The following ZBTB20 variants were observed in gnomAD, a reference collection of about 807,000 sequenced individuals.
ZBTB20 encodes zinc finger and BTB domain-containing protein 20.
ZBTB20 carries 9 observed loss-of-function variants against 56.9 expected under a neutral mutation model. The ratio of observed to expected loss-of-function variants is 0.16; its 90% confidence interval spans 0.10 to 0.28. The LOEUF (loss-of-function observed/expected upper bound fraction) is 0.28. Ranked by LOEUF, ZBTB20 falls within the 10% of genes least tolerant of loss-of-function variation. The pLI is 1.00. For missense variants in ZBTB20, 655 were observed against 1,003.0 expected, an observed-to-expected ratio of 0.65 and a Z score of 4.69; for synonymous variants, 417 against 420.7, an observed-to-expected ratio of 0.99 and a Z score of 0.11.
chr3:114,411,791 C>T (rs2108771261), intron 7 of ZBTB20, among the ~76,000 whole-genome samples: 1 of 152,162 alleles, frequency 6.6e-6, no homozygotes, highest in East Asian at 1.9e-4. Context: ...AATATTGAAG[C>T]ACATTTAAAT....
intron 7 of ZBTB20, among the ~76,000 whole-genome samples, chr3:114,462,014 G>A (rs1464962417): frequency 1.3e-5 from 2 of 152,176 alleles, no homozygotes; most frequent in Non-Finnish European, 2.9e-5. Flanking sequence ...TGTCTCATCT[G>A]TAAGATGGAA....
chr3:114,559,391 T>C (rs2051698146), intron 6 of ZBTB20, among the ~76,000 whole-genome samples: 1 of 152,164 alleles, frequency 6.6e-6, no homozygotes, highest in Non-Finnish European at 1.5e-5. Context: ...ATATGGTAAA[T>C]ACGTATTGCA....
intron 4 of ZBTB20, among the ~76,000 whole-genome samples, chr3:114,824,342 T>G (rs1454474146): frequency 6.6e-6 from 1 of 151,986 alleles, no homozygotes; most frequent in Non-Finnish European, 1.5e-5. Context: ...AAAAGACAGC[T>G]TCTATCTATC....
intron 2 of ZBTB20, among the ~76,000 whole-genome samples, chr3:115,043,258 T>G (rs984634068): frequency 6.6e-6 from 1 of 152,058 alleles, no homozygotes; most frequent in Non-Finnish European, 1.5e-5. Context: ...TTTAATAATT[T>G]GTTTAAAAAG....
intron 2 of ZBTB20, among the ~76,000 whole-genome samples, chr3:115,056,572 G>C (rs888605392): frequency 5.9e-5 from 9 of 152,058 alleles, no homozygotes; most frequent in African/African-American, 1.7e-4. Context: ...AGAATAATAT[G>C]TATTATATGT....
intron 3 of ZBTB20, among the ~76,000 whole-genome samples, chr3:114,970,176 T>C (rs2077815351): frequency 1.3e-5 from 2 of 152,320 alleles, no homozygotes; most frequent in African/African-American, 2.4e-5. Context: ...CCTTGATCAC[T>C]GGTAAATATA....
chr3:114,505,370 C>G (rs926325619), intron 6 of ZBTB20, among the ~76,000 whole-genome samples: 1 of 152,068 alleles, frequency 6.6e-6, no homozygotes, highest in African/African-American at 2.4e-5. Flanking sequence ...TTACTTTCAG[C>G]ATTGTGAATA....
chr3:114,838,208 T>C (rs2074211032), intron 4 of ZBTB20, among the ~76,000 whole-genome samples: 1 of 152,214 alleles, frequency 6.6e-6, no homozygotes, highest in South Asian at 2.1e-4. Context: ...TTAATAAGTA[T>C]AAATGCAAGG....
intron 3 of ZBTB20, among the ~76,000 whole-genome samples, chr3:114,901,483 C>T (rs574342176): frequency 6.6e-6 from 1 of 152,094 alleles, no homozygotes; most frequent in South Asian, 2.1e-4. Flanking sequence ...TTCTAGAAAC[C>T]CACTGAGTAC....
chr3:114,510,637 G>A (rs186310000), intron 6 of ZBTB20, among the ~76,000 whole-genome samples: 2 of 152,220 alleles, frequency 1.3e-5, no homozygotes, highest in East Asian at 3.9e-4. Flanking sequence ...AATCAAAACA[G>A]CAGTGTGATC....
rs1390446009 is a variant in ZBTB20, at chr3:114,926,634, GA to G, written c.-455-26293del. On this transcript the variant is annotated intron_variant, in intron 3 of 11. Coordinates refer to ENST00000675478, the MANE Select transcript of ZBTB20 (RefSeq NM_001348800.3). ...AGAGGGCTGAACAAAGGCAGATGAA[GA>G]GGCAATAAAGTAGGTAATAAGTACA... 7.2e-5 allele frequency among the ~76,000 whole-genome samples: 11 copies of G among 152,292 alleles called. No homozygotes were observed. In the East Asian group the frequency reaches 2.1e-3, roughly 29 times the overall value.
intron 5 of ZBTB20, among the ~76,000 whole-genome samples, chr3:114,763,213 A>G (rs571800885): frequency 3.3e-5 from 5 of 152,286 alleles, no homozygotes; most frequent in Non-Finnish European, 7.4e-5. Flanking sequence ...TTAAAAATCT[A>G]AAGTTTTCTC....
intron 7 of ZBTB20, among the ~76,000 whole-genome samples, chr3:114,435,399 G>C (rs1328057286): frequency 1.3e-5 from 2 of 152,022 alleles, no homozygotes; most frequent in Non-Finnish European, 2.9e-5. Flanking sequence ...TTGATATTTT[G>C]CCCATTTTTT....
chr3:114,321,280 CT>C lies in ZBTB20; in HGVS notation c.*17724del, dbSNP rs2078885522. On this transcript the variant is annotated 3_prime_UTR_variant, in exon 12 of 12. Transcript: ENST00000675478. ...AGAAAAGAGAAGAGAAACAGGCAGACTTCGGGCACCATCTCCCTTTGTTTTC... is the reference window on the plus strand; with the variant it reads ...AGAAAAGAGAAGAGAAACAGGCAGACTCGGGCACCATCTCCCTTTGTTTTC... 1 of 152,254 alleles carries C rather than the reference CT, an allele frequency of 6.6e-6. No individual in the cohort carries two copies. The highest frequency in any genetic ancestry group is 6.5e-5 in the Admixed American group (1 of 15,284). The allele number at this position is 152,254 out of a possible 1,614,324, so 9.4% of individuals were successfully genotyped here. A position where few individuals can be genotyped will look rare whatever the true frequency, so the allele number is the denominator to read the frequency against.
At chr3:114,439,389 G>A (rs746183274) in intron 7 of ZBTB20, among the ~76,000 whole-genome samples, 9 of 152,058 alleles carry the variant, frequency 5.9e-5, no homozygotes, top group Non-Finnish European at 8.8e-5. Flanking sequence ...TCATAGCCTA[G>A]CAGAAACTCC....
At chr3:114,611,432 G>A (rs961193084) in intron 6 of ZBTB20, among the ~76,000 whole-genome samples, 1 of 152,138 alleles carries the variant, frequency 6.6e-6, no homozygotes, top group Non-Finnish European at 1.5e-5. Context: ...CAAACATCAA[G>A]AGTAATTTAT....
intron 5 of ZBTB20, among the ~76,000 whole-genome samples, chr3:114,770,050 C>T (rs932074951): frequency 2.0e-5 from 3 of 149,792 alleles, no homozygotes; most frequent in Admixed American, 2.0e-4. Context: ...CAGAGCAAGA[C>T]TCCATCTCAA....
intron 5 of ZBTB20, among the ~76,000 whole-genome samples, chr3:114,783,614 T>G (rs1174087130): frequency 6.6e-6 from 1 of 151,716 alleles, no homozygotes; most frequent in Non-Finnish European, 1.5e-5. Context: ...ACCAACATGG[T>G]GAAACCCCGT....
At chr3:114,792,536 G>A (rs1288189886) in intron 5 of ZBTB20, among the ~76,000 whole-genome samples, 1 of 152,172 alleles carries the variant, frequency 6.6e-6, no homozygotes, top group Non-Finnish European at 1.5e-5. Flanking sequence ...AAATTGTTAT[G>A]TATACTGATG....
Sources: allele counts gnomAD v4.1 joint callset (sites outside exome capture counted in the v4.1 genomes callset), GRCh38; gene constraint gnomAD v4.1.1; transcripts MANE v1.5; gene names NCBI Gene and HGNC (gene_info 2026-07-23, HGNC 2026-07-21).